AGPS: variants seen among roughly 807,000 people sequenced by gnomAD.
The protein encoded by AGPS is alkylglycerone phosphate synthase.
Under a neutral mutation model 90.7 loss-of-function variants are expected in AGPS, and 26 were observed. The ratio of observed to expected loss-of-function variants is 0.29; its 90% CI spans 0.21 to 0.40. The LOEUF (loss-of-function observed/expected upper bound fraction) is 0.40. Among genes scored for constraint, AGPS ranks in the 10% least tolerant of loss-of-function variants. The pLI is 1.00. For synonymous variants in AGPS, 294 were observed against 285.3 expected (o/e 1.03, Z -0.31); for missense variants, 540 against 816.1 (o/e 0.66, Z 4.12).
chr2:177,434,979 G>A (rs1686355150), intron 3 of AGPS, among the ~76,000 whole-genome samples: 1 of 120,216 alleles, frequency 8.3e-6, no homozygotes, highest in Non-Finnish European at 1.7e-5. Context: ...AGTGGGATTA[G>A]GAAACTTTAA....
At chr2:177,470,418 A>T (rs967241763) in intron 10 of AGPS, among the ~76,000 whole-genome samples, 11 of 152,124 alleles carry the variant, frequency 7.2e-5, no homozygotes, top group Non-Finnish European at 1.6e-4. Flanking sequence ...ACTATAAGAG[A>T]TTGGGCTGGG....
At chr2:177,505,237 A>C (rs2105717852) in intron 14 of AGPS, among the ~76,000 whole-genome samples, 1 of 152,142 alleles carries the variant, frequency 6.6e-6, no homozygotes, top group East Asian at 1.9e-4. Flanking sequence ...TGAGTAAAAT[A>C]AGAATACTTG....
chr2:177,505,282 G>A (rs547470641), intron 14 of AGPS, among the ~76,000 whole-genome samples: 2 of 152,062 alleles, frequency 1.3e-5, no homozygotes, highest in Admixed American at 1.3e-4. Flanking sequence ...GTTTCTCATA[G>A]TTAATTCTTT....
At chr2:177,396,942 CT>C (rs757187515) in intron 1 of AGPS, among the ~76,000 whole-genome samples, 193 of 140,556 alleles carry the variant, frequency 1.4e-3, no homozygotes, top group African/African-American at 4.5e-3. Flanking sequence ...TTTTTCTTTT[CT>C]TTTTTTTTTT....
chr2:177,504,845 A>G (rs1187968720), intron 14 of AGPS, among the ~76,000 whole-genome samples: 1 of 152,132 alleles, frequency 6.6e-6, no homozygotes, highest in Non-Finnish European at 1.5e-5. Context: ...TAAAATAAGA[A>G]TAACTTTTAC....
chr2:177,413,173 TACA>T (rs1430812105), intron 1 of AGPS, among the ~76,000 whole-genome samples: 1 of 152,190 alleles, frequency 6.6e-6, no homozygotes, highest in Admixed American at 6.5e-5. Context: ...AATTACGGTT[TACA>T]ACAAGAATAC....
At position 177,447,031 on chromosome 2, in the gene AGPS, C is replaced by T. The variant is rs188309790; in HGVS notation, c.870+1405C>T. On this transcript the variant is annotated intron_variant, in intron 8 of 19. Coordinates refer to ENST00000264167, the MANE Select transcript of AGPS (RefSeq NM_003659.4). ...ACTTCCTCAAACATAATCAAGATAACGATAACTCAGCTTTTGTAAACAAAA... is the reference window on the plus strand; with the variant it reads ...ACTTCCTCAAACATAATCAAGATAATGATAACTCAGCTTTTGTAAACAAAA... 1.9e-3 allele frequency among the ~76,000 whole-genome samples: 291 copies of T among 152,128 alleles called. 4 individuals are homozygous for T. Among genetic ancestry groups the T allele is most frequent in the Non-Finnish European group, 8.2e-4 (56 of 67,966 alleles).
chr2:177,520,947 A>G (rs1689167215), intron 17 of AGPS, among the ~76,000 whole-genome samples: 1 of 152,242 alleles, frequency 6.6e-6, no homozygotes, highest in Non-Finnish European at 1.5e-5. Flanking sequence ...AATGTATAAA[A>G]GTTTTTGGGT....
At chr2:177,435,509 T>C (rs1686379201) in intron 3 of AGPS, among the ~76,000 whole-genome samples, 1 of 152,126 alleles carries the variant, frequency 6.6e-6, no homozygotes, top group South Asian at 2.1e-4. Flanking sequence ...ACTTAAAATA[T>C]TAATATATTT....
chr2:177,425,732 T>G (rs1037760659), intron 2 of AGPS, among the ~76,000 whole-genome samples: 4 of 152,116 alleles, frequency 2.6e-5, no homozygotes, highest in Non-Finnish European at 5.9e-5. Flanking sequence ...GGGATCTCTA[T>G]TCTTTTCCAT....
At chr2:177,499,586 A>G (rs1688498101) in intron 13 of AGPS, 32 bp from the exon 14 acceptor site, 1 of 1,344,162 alleles carries the variant, frequency 7.4e-7, no homozygotes, top group African/African-American at 1.5e-5. Flanking sequence ...GATAAGACTT[A>G]TCTGTAATAA....
At chr2:177,457,905 T>G (rs1239315224) in intron 8 of AGPS, among the ~76,000 whole-genome samples, 4 of 152,112 alleles carry the variant, frequency 2.6e-5, no homozygotes, top group African/African-American at 9.7e-5. Context: ...CAGGCTAATA[T>G]CCCCGATGAA....
intron 12 of AGPS, 72 bp from the exon 13 acceptor site, chr2:177,497,617 A>C: frequency 1.3e-6 from 1 of 772,034 alleles, no homozygotes; most frequent in Non-Finnish European, 2.0e-6. Context: ...TAGGATTCTA[A>C]GTTGGAGTAG....
At chr2:177,476,409 T>A (rs1195160205) in intron 10 of AGPS, among the ~76,000 whole-genome samples, 2 of 152,282 alleles carry the variant, frequency 1.3e-5, no homozygotes, top group East Asian at 3.9e-4. Flanking sequence ...ATTTCCCTGT[T>A]GATTTCTTCT....
At chr2:177,479,519 A>G (rs562226489) in intron 10 of AGPS, among the ~76,000 whole-genome samples, 3 of 152,374 alleles carry the variant, frequency 2.0e-5, no homozygotes, top group African/African-American at 4.8e-5. Context: ...GTAGAATCCC[A>G]TATGTTCATC....
chr2:177,495,909 C>A, intron 12 of AGPS, among the ~76,000 whole-genome samples: 1 of 87,292 alleles, frequency 1.1e-5, no homozygotes, highest in African/African-American at 4.8e-5. Context: ...CACAGTGAGA[C>A]TCTGTCTCAA....
chr2:177,509,180 A>G (rs1321711753), intron 16 of AGPS, among the ~76,000 whole-genome samples: 2 of 152,142 alleles, frequency 1.3e-5, no homozygotes, highest in African/African-American at 4.8e-5. Flanking sequence ...TGGTGTTCGT[A>G]TTCCATGCAT....
At chr2:177,483,766 A>G (rs760181195) in intron 11 of AGPS, among the ~76,000 whole-genome samples, 16 of 152,152 alleles carry the variant, frequency 1.1e-4, no homozygotes, top group Non-Finnish European at 1.8e-4. Flanking sequence ...AGGATTATTA[A>G]GTAGAGGAGG....
intron 8 of AGPS, among the ~76,000 whole-genome samples, chr2:177,456,850 C>A (rs1282760594): frequency 1.3e-5 from 2 of 152,148 alleles, no homozygotes; most frequent in Non-Finnish European, 2.9e-5. Context: ...ACCTAATAGA[C>A]ATCTACAGAA....
Sources: allele counts gnomAD v4.1 joint callset (sites outside exome capture counted in the v4.1 genomes callset), GRCh38; gene constraint gnomAD v4.1.1; transcripts MANE v1.5; gene names NCBI Gene and HGNC (gene_info 2026-07-23, HGNC 2026-07-21).